Variants in CD96 observed in about 807,000 individuals in gnomAD.
CD96 encodes T-cell surface protein tactile.
CD96 carries 70 observed loss-of-function variants against 71.3 expected under a neutral mutation model. That is an observed-to-expected ratio of 0.98 (90% CI 0.81 to 1.20). The LOEUF is 1.20. CD96 is among the 50% of genes most tolerant of loss of function. CD96 has a pLI of 0.00. For synonymous variants in CD96, 248 were observed against 233.0 expected (o/e 1.06, Z -0.59); for missense variants, 742 against 677.5 (o/e 1.10, Z -1.06).
At chr3:111,584,354 C>T (rs929131673) in intron 4 of CD96, among the ~76,000 whole-genome samples, 61 of 152,164 alleles carry the variant, frequency 4.0e-4, no homozygotes, top group African/African-American at 1.3e-3. Context: ...AACATTTTCT[C>T]GTCTTCTTCT....
intron 2 of CD96, among the ~76,000 whole-genome samples, chr3:111,554,476 T>A (rs1934883762): frequency 1.3e-5 from 2 of 152,158 alleles, no homozygotes; most frequent in South Asian, 2.1e-4. Context: ...GAAGCATTTG[T>A]TTGTCTGTTC....
rs1462219495 is a variant in CD96 at position 111,585,337 on chromosome 3, C to T, written c.766C>T (p.Pro256Ser). The T allele has an allele frequency of 7.4e-6, 12 of 1,611,250 alleles. No individual in the cohort carries two copies. The highest frequency in any genetic ancestry group is 1.0e-5 in the Non-Finnish European group (12 of 1,177,536). Residue 256 changes from proline (P) to serine (S), a missense_variant, in exon 5 of 14, where the codon CCT becomes TCT. Pro to Ser is a moderately conservative substitution (Grantham distance 74). Coordinates refer to ENST00000352690, the MANE Select transcript of CD96 (RefSeq NM_005816.5). Reference sequence around the variant, plus strand: ...TTGCCTTTAAGCTAAACCAGAAATCCCTGTGATTGTGGAAAATAACTCCAC... The same window carrying T: ...TTGCCTTTAAGCTAAACCAGAAATCTCTGTGATTGTGGAAAATAACTCCAC... ...TVKVFAKPEIPVIVENNSTDV... is the reference protein window; with the variant it reads ...TVKVFAKPEISVIVENNSTDV...
At chr3:111,619,561 C>T (rs2107700359) in intron 8 of CD96, among the ~76,000 whole-genome samples, 1 of 152,246 alleles carries the variant, frequency 6.6e-6, no homozygotes, top group South Asian at 2.1e-4. Flanking sequence ...TCTTACTTGC[C>T]TACATAGTAT....
intron 14 of CD96, among the ~76,000 whole-genome samples, chr3:111,658,860 G>A (rs1297198917): frequency 2.0e-5 from 3 of 152,086 alleles, no homozygotes; most frequent in Non-Finnish European, 2.9e-5. Context: ...TTTTTTCATT[G>A]TGTCTCTGCC....
chr3:111,586,300 C>T (rs1357758604), intron 5 of CD96, among the ~76,000 whole-genome samples: 1 of 152,108 alleles, frequency 6.6e-6, no homozygotes, highest in Non-Finnish European at 1.5e-5. Context: ...AAATTATATT[C>T]ATTCTAGTTT....
chr3:111,560,332 T>A (rs1177465472), intron 2 of CD96, among the ~76,000 whole-genome samples: 7 of 152,246 alleles, frequency 4.6e-5, no homozygotes, highest in Non-Finnish European at 4.4e-5. Context: ...GGCATGATTT[T>A]GCAGCAGCTG....
chr3:111,625,397 C>T (rs1938701600), intron 10 of CD96, among the ~76,000 whole-genome samples: 1 of 151,944 alleles, frequency 6.6e-6, no homozygotes, highest in African/African-American at 2.4e-5. Flanking sequence ...GTAATAGACA[C>T]CCATGAACCC....
intron 14 of CD96, among the ~76,000 whole-genome samples, chr3:111,664,064 G>A (rs1205551720): frequency 6.6e-6 from 1 of 152,084 alleles, no homozygotes; most frequent in African/African-American, 2.4e-5. Flanking sequence ...ATACACTTCT[G>A]GTGGGAATGT....
chr3:111,578,963 G>A (rs1004221971), intron 3 of CD96, 64 bp from the exon 4 acceptor site: 25 of 823,084 alleles, frequency 3.0e-5, no homozygotes, highest in Admixed American at 2.4e-4. Context: ...AGTGCTTGTC[G>A]AATGCCTAGT....
chr3:111,610,616 G>A (rs1023921165), intron 8 of CD96, among the ~76,000 whole-genome samples: 3 of 152,170 alleles, frequency 2.0e-5, no homozygotes, highest in African/African-American at 7.2e-5. Context: ...GTTATCCAGG[G>A]AAGCCCAGCT....
At chr3:111,653,273 C>T (rs1940150627), downstream of CD96, among the ~76,000 whole-genome samples, 2 of 152,168 alleles carry the variant, frequency 1.3e-5, no homozygotes, top group South Asian at 4.1e-4. Flanking sequence ...CAGCAAAACT[C>T]ACAGCCTACC....
intron 10 of CD96, among the ~76,000 whole-genome samples, chr3:111,628,536 T>C (rs1938897806): frequency 6.6e-6 from 1 of 152,192 alleles, no homozygotes; most frequent in South Asian, 2.1e-4. Context: ...GCAATGAGAC[T>C]GAATCTATGA....
intron 10 of CD96, among the ~76,000 whole-genome samples, chr3:111,626,219 T>C (rs1272688999): frequency 1.4e-5 from 2 of 142,118 alleles, no homozygotes; most frequent in African/African-American, 5.2e-5. Context: ...GAGAATGGTG[T>C]GAACCCGGGA....
intron 4 of CD96, among the ~76,000 whole-genome samples, chr3:111,580,567 A>C (rs1936420306): frequency 6.6e-6 from 1 of 151,750 alleles, no homozygotes; most frequent in Non-Finnish European, 1.5e-5. Flanking sequence ...CAGAGCAAGC[A>C]AAAAAAAATT....
intron 12 of CD96, among the ~76,000 whole-genome samples, chr3:111,644,895 G>C (rs6788521): frequency 2.6e-5 from 4 of 152,052 alleles, no homozygotes; most frequent in Non-Finnish European, 5.9e-5. Context: ...AACAGAGAAC[G>C]CTTCTACCCT....
chr3:111,641,988 CA>C (rs1487570483), intron 12 of CD96, among the ~76,000 whole-genome samples: 1 of 152,172 alleles, frequency 6.6e-6, no homozygotes, highest in African/African-American at 2.4e-5. Context: ...CTCTGGGATA[CA>C]GCAAAGGTGG....
At chr3:111,647,444 T>C in intron 12 of CD96, 99 bp from the exon 13 acceptor site, 3 of 1,078,602 alleles carry the variant, frequency 2.8e-6, no homozygotes, top group Non-Finnish European at 4.3e-6. Flanking sequence ...ACAGCCAATG[T>C]TGAAGAAAAT....
At chr3:111,587,543 T>A (rs1936772686) in intron 5 of CD96, among the ~76,000 whole-genome samples, 1 of 152,182 alleles carries the variant, frequency 6.6e-6, no homozygotes, top group South Asian at 2.1e-4. Context: ...TGAAGAATGG[T>A]GGTCCTCTTC....
chr3:111,627,651 C>A (rs1938841579), intron 10 of CD96, among the ~76,000 whole-genome samples: 1 of 152,224 alleles, frequency 6.6e-6, no homozygotes, highest in Non-Finnish European at 1.5e-5. Context: ...TACCAAAATG[C>A]AGCCAGACTG....
Sources: allele counts gnomAD v4.1 joint callset (sites outside exome capture counted in the v4.1 genomes callset), GRCh38; gene constraint gnomAD v4.1.1; transcripts MANE v1.5; gene names NCBI Gene and HGNC (gene_info 2026-07-23, HGNC 2026-07-21).